The following MCF2 variants were observed in gnomAD, a reference collection of about 807,000 sequenced individuals.
MCF2 encodes the protein MCF.2 cell line derived transforming sequence, also known as proto-oncogene DBL.
In MCF2, 44 loss-of-function variants were observed where a neutral mutation model predicts 82.5. The ratio of observed to expected loss-of-function variants is 0.53; its 90% CI spans 0.42 to 0.69. The LOEUF (loss-of-function observed/expected upper bound fraction) is 0.69. Among genes scored for constraint, MCF2 ranks in the 30% least tolerant of loss-of-function variants. The pLI is 0.00. For synonymous variants in MCF2, 217 were observed against 224.9 expected, an observed-to-expected ratio of 0.96 and a Z score of 0.32; for missense variants, 623 against 663.1, an observed-to-expected ratio of 0.94 and a Z score of 0.66.
At chrX:139,629,878 G>C in intron 3 of MCF2, 34 bp from the exon 7 acceptor site, 1 of 1,159,272 alleles carries the variant, frequency 8.6e-7, no homozygotes, top group Non-Finnish European at 1.2e-6. Context: ...TAATTATATG[G>C]TCACTCTGTG....
chrX:139,619,729 T>C (rs778497886), intron 6 of MCF2, 23 bp from the exon 10 acceptor site: 1 of 1,088,099 alleles, frequency 9.2e-7, no homozygotes, highest in South Asian at 2.7e-5. Flanking sequence ...AACAAAGAGG[T>C]TTTAAAAACA....
chrX:139,615,177 T>C, intron 9 of MCF2, 125 bp from the exon 13 acceptor site: 1 of 528,722 alleles, frequency 1.9e-6, no homozygotes, highest in Admixed American at 3.6e-5. Flanking sequence ...CTACAAGACA[T>C]TTAGAAAAAT....
Position 139,588,452 on chromosome X carries a change from A to T in MCF2, c.2371-14T>A. 9.3e-7 allele frequency: 1 copy of T among 1,079,851 alleles called. No homozygotes were observed. Among genetic ancestry groups the T allele is most frequent in the East Asian group, 3.0e-5 (1 of 33,134 alleles). 89.0% of individuals were successfully genotyped at this position (1,079,851 alleles called of 1,213,427 possible). ...TACATTAGAAGCCTAAAGATTAAAA[A>T]AAAAGCGGGAGGGAGGTGGTACACA... On this transcript the variant is annotated splice_polypyrimidine_tract_variant and intron_variant, in intron 20 of 24. Transcript: ENST00000370576.
intron 1 of MCF2, among the ~76,000 whole-genome samples, chrX:139,704,284 G>A (rs1186947177): frequency 2.7e-5 from 3 of 111,934 alleles, no homozygotes; most frequent in Non-Finnish European, 5.6e-5. Flanking sequence ...AAGCATCCAC[G>A]TATGAAAAGA....
intron 7 of MCF2, among the ~76,000 whole-genome samples, chrX:139,619,058 C>T (rs1932137645): frequency 9.0e-6 from 1 of 111,314 alleles, no homozygotes; most frequent in South Asian, 3.8e-4. Flanking sequence ...GGTTAAACTG[C>T]ATATATCCTA....
intron 1 of MCF2, among the ~76,000 whole-genome samples, chrX:139,665,897 G>GTGTA (rs1209903680): frequency 7.9e-4 from 54 of 68,586 alleles, no homozygotes; most frequent in Non-Finnish European, 1.2e-3. Flanking sequence ...AGGTGTGTGT[G>GTGTA]TATATATATA....
intron 23 of MCF2, among the ~76,000 whole-genome samples, chrX:139,585,457 A>G (rs1482420933): frequency 1.8e-5 from 2 of 111,783 alleles, no homozygotes; most frequent in Non-Finnish European, 3.8e-5. Flanking sequence ...GGGCCACAGC[A>G]TAGATGACCT....
chrX:139,586,772 C>T (rs1174448626), intron 22 of MCF2, among the ~76,000 whole-genome samples: 1 of 111,330 alleles, frequency 9.0e-6, no homozygotes, highest in Non-Finnish European at 1.9e-5. Flanking sequence ...GCTCTGTGGA[C>T]TTATAACATT....
At chrX:139,605,877 T>A in intron 12 of MCF2, 98 bp from the exon 17 acceptor site, 1 of 607,073 alleles carries the variant, frequency 1.6e-6, no homozygotes, top group East Asian at 3.7e-5. Flanking sequence ...AAATAGCTAA[T>A]GCATAGGAAT....
chrX:139,667,648 C>T (rs971971100), intron 1 of MCF2, among the ~76,000 whole-genome samples: 5 of 111,771 alleles, frequency 4.5e-5, no homozygotes, highest in African/African-American at 6.5e-5. Flanking sequence ...CTCAGGTCTC[C>T]AATGGTGAGA....
chrX:139,586,349 T>C, intron 23 of MCF2, 29 bp downstream of exon 27: 2 of 1,085,964 alleles, frequency 1.8e-6, no homozygotes, highest in Non-Finnish European at 1.3e-6. Flanking sequence ...CACCCATGAG[T>C]CTCGTCTTAA....
At chrX:139,595,858 G>C (rs1467954933) in intron 19 of MCF2, among the ~76,000 whole-genome samples, 1 of 111,384 alleles carries the variant, frequency 9.0e-6, no homozygotes, top group Non-Finnish European at 1.9e-5. Context: ...TTCTCTATTG[G>C]AGAAACCAGC....
chrX:139,595,917 CT>C (rs1278096260), intron 19 of MCF2, among the ~76,000 whole-genome samples: 1 of 110,394 alleles, frequency 9.1e-6, no homozygotes, highest in African/African-American at 3.3e-5. Flanking sequence ...ATACTGTTCT[CT>C]TTTTAATAAC....
chrX:139,616,772 C>T (rs17002175), intron 8 of MCF2, among the ~76,000 whole-genome samples: 7,469 of 110,167 alleles, frequency 0.068, 399 homozygotes, highest in African/African-American at 0.18. Context: ...AGCAGGAGTC[C>T]GACCATTTTC....
intron 4 of MCF2, among the ~76,000 whole-genome samples, chrX:139,628,872 G>A (rs1380438890): frequency 9.0e-6 from 1 of 111,227 alleles, no homozygotes; most frequent in East Asian, 2.8e-4. Context: ...CTGGATAGGA[G>A]AGCACAAACA....
At chrX:139,585,678 C>T (rs1377184610) in intron 23 of MCF2, among the ~76,000 whole-genome samples, 9 of 111,717 alleles carry the variant, frequency 8.1e-5, no homozygotes, top group Non-Finnish European at 1.7e-4. Context: ...TACAGCACTT[C>T]GTACTTCCCT....
chrX:139,700,647 C>G (rs1049901289), intron 1 of MCF2, among the ~76,000 whole-genome samples: 3 of 111,764 alleles, frequency 2.7e-5, no homozygotes, highest in African/African-American at 9.8e-5. Context: ...TATTTCAGAC[C>G]TCTCCCAGGC....
At chrX:139,606,151 C>A (rs1175338366) in intron 12 of MCF2, among the ~76,000 whole-genome samples, 1 of 108,262 alleles carries the variant, frequency 9.2e-6, no homozygotes, top group Non-Finnish European at 1.9e-5. Flanking sequence ...CTCACAATAA[C>A]TATTCCTAAA....
upstream of MCF2, chrX:139,645,683 C>T (rs774207895): frequency 1.1e-6 from 1 of 931,810 alleles, no homozygotes; most frequent in East Asian, 3.2e-5. Flanking sequence ...GAAATAAGAA[C>T]TTTTTCTTAA....
Sources: gnomAD v4.1 joint callset for allele counts (sites outside exome capture counted in the v4.1 genomes callset) on GRCh38, gnomAD v4.1.1 for gene constraint, MANE v1.5 for transcripts, NCBI Gene and HGNC (gene_info 2026-07-23, HGNC 2026-07-21) for gene names.